PTGR1: variants seen among roughly 807,000 people sequenced by gnomAD.
PTGR1 encodes 15-oxoprostaglandin 13-reductase.
A neutral mutation model predicts 37.7 loss-of-function variants in PTGR1; 23 were observed. The observed-to-expected ratio is 0.61, with a 90% confidence interval of 0.44 to 0.86. The LOEUF (loss-of-function observed/expected upper bound fraction) is 0.86, where lower values mean the gene tolerates loss of function less well. Among genes scored for constraint, PTGR1 ranks in the 40% least tolerant of loss-of-function variants. PTGR1 has a pLI of 0.00. For missense variants in PTGR1, 351 were observed against 394.3 expected (o/e 0.89, Z 0.93); for synonymous variants, 134 against 140.0 (o/e 0.96, Z 0.30).
At chr9:111,575,174 C>T (rs1424004040) in intron 7 of PTGR1, among the ~76,000 whole-genome samples, 1 of 152,110 alleles carries the variant, frequency 6.6e-6, no homozygotes, top group East Asian at 1.9e-4. Context: ...TGGTGGTGGG[C>T]ACCCATAATC....
Position 111,596,796 on chromosome 9 carries a change from G to A in PTGR1, c.106+521C>T, listed in dbSNP as rs557792238. Among the ~76,000 whole-genome samples, 14 of 151,356 alleles carry A rather than the reference G, an allele frequency of 9.2e-5. No individual in the cohort carries two copies. In the South Asian group the frequency reaches 1.3e-3, roughly 14 times the overall value. ...ACAAAAATTAGGGGGGCATGGTGGC[G>A]CACACCTGTAATCCCAGCTACTCAG... On this transcript the variant is annotated intron_variant, in intron 2 of 9. Coordinates refer to ENST00000407693, the MANE Select transcript of PTGR1 (RefSeq NM_001146108.2).
At chr9:111,560,324 A>G (rs113731800), downstream of PTGR1, among the ~76,000 whole-genome samples, 31 of 151,928 alleles carry the variant, frequency 2.0e-4, no homozygotes, top group African/African-American at 6.5e-4. Context: ...AATACAAAAA[A>G]TTAGCCAGGC....
At chr9:111,596,789 T>C (rs1208631862) in intron 2 of PTGR1, among the ~76,000 whole-genome samples, 4 of 150,686 alleles carry the variant, frequency 2.7e-5, no homozygotes, top group Admixed American at 2.0e-4. Context: ...TAGGGGGGCA[T>C]GGTGGCGCAC....
At chr9:111,583,711 T>C (rs906946131) in intron 5 of PTGR1, 122 bp from the exon 6 acceptor site, 1 of 733,334 alleles carries the variant, frequency 1.4e-6, no homozygotes, top group Non-Finnish European at 2.3e-6. Context: ...AAGACAAAAA[T>C]ATGGAAATAA....
chr9:111,598,014 C>CT (rs1285237598), intron 1 of PTGR1, among the ~76,000 whole-genome samples: 1 of 149,642 alleles, frequency 6.7e-6, no homozygotes, highest in Non-Finnish European at 1.5e-5. Flanking sequence ...TTTTTAAATA[C>CT]TTTTTTTTCT....
chr9:111,580,234 T>C (rs988251390), intron 6 of PTGR1, among the ~76,000 whole-genome samples: 2 of 152,228 alleles, frequency 1.3e-5, no homozygotes, highest in Non-Finnish European at 2.9e-5. Context: ...CCTATAGATG[T>C]CCTCACACTT....
intron 9 of PTGR1, among the ~76,000 whole-genome samples, chr9:111,564,488 T>A (rs1217136204): frequency 6.6e-6 from 1 of 151,710 alleles, no homozygotes; most frequent in Non-Finnish European, 1.5e-5. Context: ...TTAGTTTTTG[T>A]AGAGACGGGG....
At chr9:111,556,223 G>A (rs1295120647) in intron 9 of PTGR1, among the ~76,000 whole-genome samples, 1 of 152,248 alleles carries the variant, frequency 6.6e-6, no homozygotes, top group Non-Finnish European at 1.5e-5. Flanking sequence ...TCTAGGGCAT[G>A]CTGATGCAAA....
At chr9:111,589,780 G>T (rs1440161128) in intron 4 of PTGR1, among the ~76,000 whole-genome samples, 4 of 151,672 alleles carry the variant, frequency 2.6e-5, no homozygotes, top group Non-Finnish European at 5.9e-5. Flanking sequence ...GATTACAAGC[G>T]CCCACCACTG....
At position 111,563,448 on chromosome 9, in the gene PTGR1, T is replaced by C. The variant is rs1332909693; in HGVS notation, c.880-217A>G. 3 of 436,504 alleles carry C rather than the reference T, an allele frequency of 6.9e-6. No homozygotes were observed. In the East Asian group the frequency reaches 1.0e-4, roughly 15 times the overall value. The allele number at this position is 436,504 out of a possible 1,614,324, so 27.0% of individuals were successfully genotyped here. Reference sequence around the variant, plus strand: ...ACAAAGTACACCTAAGAAGAAATAATAGGTGTCGGATCATAGTGCGAAATG... The same window carrying C: ...ACAAAGTACACCTAAGAAGAAATAACAGGTGTCGGATCATAGTGCGAAATG... On this transcript the variant is annotated intron_variant, in intron 9 of 9. Coordinates refer to ENST00000407693, the MANE Select transcript of PTGR1 (RefSeq NM_001146108.2).
At chr9:111,553,116 CACTA>C (rs1828019667) in intron 9 of PTGR1, among the ~76,000 whole-genome samples, 1 of 152,144 alleles carries the variant, frequency 6.6e-6, no homozygotes, top group South Asian at 2.1e-4. Flanking sequence ...GACTTACACT[CACTA>C]AATGGTTGCT....
intron 9 of PTGR1, among the ~76,000 whole-genome samples, chr9:111,567,975 G>A (rs1032873225): frequency 4.6e-5 from 7 of 152,138 alleles, no homozygotes; most frequent in African/African-American, 1.4e-4. Flanking sequence ...ATCTTTGTAA[G>A]CTGAGGATGT....
At chr9:111,592,353 T>C (rs1215384542) in intron 4 of PTGR1, 1 of 152,346 alleles carries the variant, frequency 6.6e-6, no homozygotes, top group Non-Finnish European at 1.5e-5. Flanking sequence ...AATTCTTATC[T>C]CTGTATACTG....
intron 7 of PTGR1, 104 bp downstream of exon 7, chr9:111,578,692 G>A (rs1452375277): frequency 9.0e-6 from 9 of 1,004,278 alleles, no homozygotes; most frequent in African/African-American, 1.7e-5. Flanking sequence ...CCCAGTTCCT[G>A]ATAGGCTATG....
At chr9:111,560,946 T>A (rs1252672125), downstream of PTGR1, among the ~76,000 whole-genome samples, 5 of 8,330 alleles carry the variant, frequency 6.0e-4, no homozygotes, top group Non-Finnish European at 9.2e-4. Flanking sequence ...CCATCTAAAA[T>A]ATATATATAT....
At chr9:111,572,775 A>T in intron 8 of PTGR1, among the ~76,000 whole-genome samples, 1 of 146,008 alleles carries the variant, frequency 6.8e-6, no homozygotes, top group African/African-American at 2.5e-5. Context: ...AAAAAAAAAA[A>T]AAAAATTAAA....
chr9:111,574,750 G>A lies in PTGR1; in HGVS notation c.744C>T (p.Thr248=), dbSNP rs138524922. 41 of 1,612,412 alleles carry A rather than the reference G, an allele frequency of 2.5e-5. No homozygotes were observed. The highest frequency in any genetic ancestry group is 2.0e-4 in the Admixed American group (12 of 59,766). ...GCTCATTACCTGGGGGAAGTGGGCC[G>A]GTTCTGTTATATGTAGAGATGGCTC... The part of the protein sequence containing the change: ...ICGAISTYNR[T]GPLPPGPPPE... The change falls in exon 8 of 10, where the codon ACC becomes ACT. Residue 248 remains threonine (T), a synonymous_variant. Coordinates refer to ENST00000407693, the MANE Select transcript of PTGR1 (RefSeq NM_001146108.2).
chr9:111,550,715 A>G (rs1197631221), intron 9 of PTGR1, among the ~76,000 whole-genome samples: 1 of 152,204 alleles, frequency 6.6e-6, no homozygotes, highest in Non-Finnish European at 1.5e-5. Flanking sequence ...TTTATCTTCC[A>G]GCTCTACTAT....
In PTGR1 at chr9:111,576,106, G is replaced by A. The variant is rs572284590; in HGVS notation, c.652-1264C>T. On this transcript the variant is annotated intron_variant, in intron 7 of 9. Transcript: ENST00000407693. ...ACCTGGGAGGTCAAGGCTGCAGTGA[G>A]CTGTCATCACATACTGCACTCCAGA... Among the ~76,000 whole-genome samples, 4 of 151,848 alleles carry A rather than the reference G, an allele frequency of 2.6e-5. No individual in the cohort carries two copies. The South Asian group carries it at 8.3e-4, about 32-fold the overall frequency.
Sources: gnomAD v4.1 joint callset for allele counts (sites outside exome capture counted in the v4.1 genomes callset) on GRCh38, gnomAD v4.1.1 for gene constraint, MANE v1.5 for transcripts, NCBI Gene and HGNC (gene_info 2026-07-23, HGNC 2026-07-21) for gene names.